Variants in ATXN7 observed in about 807,000 individuals in gnomAD.
The protein encoded by ATXN7 is ataxin 7.
A neutral mutation model predicts 70.5 loss-of-function variants in ATXN7; 12 were observed. The observed-to-expected ratio is 0.17, with a 90% confidence interval of 0.11 to 0.28. The LOEUF is 0.28. Among genes scored for constraint, ATXN7 ranks in the 10% least tolerant of loss-of-function variants. The probability of loss-of-function intolerance (pLI) is 1.00; values close to 1 mark genes in which losing one functional copy is unlikely to be tolerated. For synonymous variants in ATXN7, 498 were observed against 448.7 expected (o/e 1.11, Z -1.39); for missense variants, 1,256 against 1,131.7 (o/e 1.11, Z -1.58).
intron 1 of ATXN7, among the ~76,000 whole-genome samples, chr3:63,872,288 C>T (rs1042902914): frequency 7.9e-5 from 12 of 152,176 alleles, no homozygotes; most frequent in Non-Finnish European, 1.8e-4. Flanking sequence ...ACAACCCATT[C>T]CAAAAGTTTG....
intron 2 of ATXN7, among the ~76,000 whole-genome samples, chr3:63,900,245 C>G (rs558053027): frequency 1.3e-5 from 2 of 152,338 alleles, no homozygotes; most frequent in South Asian, 4.1e-4. Context: ...AATCAACTAT[C>G]TTACATACTT....
In ATXN7 at chr3:63,964,626, G is replaced by A. The variant is rs144850194; in HGVS notation, c.499+12143G>A. Reference sequence around the variant, plus strand: ...TCGACCAAAAGATCAGCTGGAGGAAGGCTGCTGCATGGTTTTAGCCCCCAA... The same window carrying A: ...TCGACCAAAAGATCAGCTGGAGGAAAGCTGCTGCATGGTTTTAGCCCCCAA... On this transcript the variant is annotated intron_variant, in intron 5 of 12. Coordinates refer to ENST00000674280, the MANE Select transcript of ATXN7 (RefSeq NM_001377405.1). 8.3e-3 allele frequency among the ~76,000 whole-genome samples: 1,268 copies of A among 152,284 alleles called. 16 individuals are homozygous for A. Among genetic ancestry groups the A allele is most frequent in the African/African-American group, 0.027 (1,131 of 41,556 alleles).
intron 4 of ATXN7, among the ~76,000 whole-genome samples, chr3:63,940,478 A>G (rs1475425838): frequency 6.6e-6 from 1 of 152,202 alleles, no homozygotes; most frequent in Non-Finnish European, 1.5e-5. Context: ...AATATACCTG[A>G]CAGATGTGGT....
At chr3:63,973,028 C>A (rs1435634211) in intron 5 of ATXN7, among the ~76,000 whole-genome samples, 1 of 152,150 alleles carries the variant, frequency 6.6e-6, no homozygotes, top group Non-Finnish European at 1.5e-5. Flanking sequence ...GCAGGCTTTG[C>A]AACTCTTGAT....
rs897739791 is a variant in ATXN7, at chr3:63,990,539, G to A, written c.1560+165G>A. Reference sequence around the variant, plus strand: ...CCCAGAGGCAGCACACACTCTGTACGGGGGACATCTCGTGCTTTTTTCCCT... The same window carrying A: ...CCCAGAGGCAGCACACACTCTGTACAGGGGACATCTCGTGCTTTTTTCCCT... On this transcript the variant is annotated intron_variant, in intron 10 of 12. Transcript: ENST00000674280. 42 of 1,139,570 alleles carry A rather than the reference G, an allele frequency of 3.7e-5. 1 individual carries two copies. Among genetic ancestry groups the A allele is most frequent in the Admixed American group, 6.4e-5 (3 of 46,972 alleles). The allele number at this position is 1,139,570 out of a possible 1,614,324, so 70.6% of individuals were successfully genotyped here. A position where few individuals can be genotyped will look rare whatever the true frequency, so the allele number is the denominator to read the frequency against.
At chr3:63,974,491 A>C (rs1179981408) in intron 5 of ATXN7, among the ~76,000 whole-genome samples, 3 of 152,258 alleles carry the variant, frequency 2.0e-5, no homozygotes, top group African/African-American at 7.2e-5. Context: ...GCTTTCACCC[A>C]GGTGCTGGAG....
Position 63,903,055 on chromosome 3 carries a change from T to TATC in ATXN7, c.-12+4584_-12+4586dup, listed in dbSNP as rs770295546. Reference sequence around the variant, plus strand: ...ATCTAGATTGTTTTTTGCATAGACTTATCATCATCATCATCATCATCATCA... The same window carrying TATC: ...ATCTAGATTGTTTTTTGCATAGACTTATCATCATCATCATCATCATCATCATCA... On this transcript the variant is annotated intron_variant, in intron 2 of 12. Transcript: ENST00000674280. Among the ~76,000 whole-genome samples, 933 of 151,414 alleles carry TATC rather than the reference T, an allele frequency of 6.2e-3. 6 individuals are homozygous for TATC. The highest frequency in any genetic ancestry group is 0.02 in the African/African-American group (841 of 41,294).
At chr3:63,891,584 A>G (rs1703265233) in intron 1 of ATXN7, among the ~76,000 whole-genome samples, 1 of 152,070 alleles carries the variant, frequency 6.6e-6, no homozygotes, top group South Asian at 2.1e-4. Flanking sequence ...CAGCCTCCCA[A>G]GGTGCTGGGA....
chr3:63,936,245 T>G (rs1309861481), intron 4 of ATXN7, among the ~76,000 whole-genome samples: 1 of 152,164 alleles, frequency 6.6e-6, no homozygotes, highest in Non-Finnish European at 1.5e-5. Flanking sequence ...CGGTATTTAA[T>G]TATATGGATT....
intron 6 of ATXN7, 162 bp downstream of exon 6, chr3:63,980,329 T>C (rs933674061): frequency 1.3e-5 from 13 of 1,009,524 alleles, no homozygotes; most frequent in Admixed American, 2.8e-5. Flanking sequence ...TGTCATGTCA[T>C]AGGAAACTTT....
At chr3:63,911,432 G>A (rs1033239864) in intron 2 of ATXN7, 11 of 152,110 alleles carry the variant, frequency 7.2e-5, no homozygotes, top group African/African-American at 2.7e-4. Flanking sequence ...TGTTTTGTAG[G>A]AATTCCTTAT....
chr3:63,976,928 A>G (rs1428249608), intron 5 of ATXN7, among the ~76,000 whole-genome samples: 2 of 152,206 alleles, frequency 1.3e-5, no homozygotes, highest in Non-Finnish European at 2.9e-5. Context: ...TAGAATAAAC[A>G]TGGCAGTTAC....
At chr3:63,972,644 C>G (rs967893342) in intron 5 of ATXN7, among the ~76,000 whole-genome samples, 3 of 152,230 alleles carry the variant, frequency 2.0e-5, no homozygotes, top group Non-Finnish European at 4.4e-5. Context: ...AATGAGCCAG[C>G]CTTTTATTTG....
chr3:63,882,377 C>CT (rs1396204971), intron 1 of ATXN7, among the ~76,000 whole-genome samples: 2 of 148,008 alleles, frequency 1.4e-5, no homozygotes, highest in Non-Finnish European at 3.0e-5. Context: ...CCATTCTGGC[C>CT]TTTGATTCTT....
chr3:63,985,628 G>A (rs983400291), intron 8 of ATXN7, among the ~76,000 whole-genome samples: 6 of 152,138 alleles, frequency 3.9e-5, no homozygotes, highest in Admixed American at 2.6e-4. Context: ...TCTCTTCACC[G>A]TCAGGGGATT....
intron 2 of ATXN7, among the ~76,000 whole-genome samples, chr3:63,909,618 T>A (rs1703946293): frequency 6.6e-6 from 1 of 152,214 alleles, no homozygotes; most frequent in Non-Finnish European, 1.5e-5. Context: ...AATTCAGATA[T>A]CAGATGCAGT....
chr3:63,980,875 T>G (rs1277514324), intron 6 of ATXN7, among the ~76,000 whole-genome samples: 1 of 151,980 alleles, frequency 6.6e-6, no homozygotes, highest in Non-Finnish European at 1.5e-5. Context: ...ATCACAGCAG[T>G]GATGAGGGAA....
chr3:63,947,420 T>TA (rs2074882074), intron 4 of ATXN7, among the ~76,000 whole-genome samples: 1 of 152,052 alleles, frequency 6.6e-6, no homozygotes, highest in African/African-American at 2.4e-5. Flanking sequence ...CCCCTGTCTC[T>TA]ACAAAAAATA....
At chr3:63,890,420 C>A (rs1703222846) in intron 1 of ATXN7, among the ~76,000 whole-genome samples, 1 of 152,128 alleles carries the variant, frequency 6.6e-6, no homozygotes, top group Non-Finnish European at 1.5e-5. Context: ...AGGAAAATAT[C>A]AACTAACTAC....
Sources: allele counts gnomAD v4.1 joint callset (sites outside exome capture counted in the v4.1 genomes callset), GRCh38; gene constraint gnomAD v4.1.1; transcripts MANE v1.5; gene names NCBI Gene and HGNC (gene_info 2026-07-23, HGNC 2026-07-21).